The following GSK3B variants were observed in gnomAD, a reference collection of about 807,000 sequenced individuals.
GSK3B encodes the protein glycogen synthase kinase 3 beta, also known as glycogen synthase kinase-3 beta.
Under a neutral mutation model 56.4 loss-of-function variants are expected in GSK3B, and 15 were observed. The observed-to-expected ratio is 0.27, with a 90% CI of 0.18 to 0.41. The LOEUF (loss-of-function observed/expected upper bound fraction) is 0.41. Among genes scored for constraint, GSK3B ranks in the 10% least tolerant of loss-of-function variants. GSK3B has a pLI of 1.00. For missense variants in GSK3B, 300 were observed against 513.4 expected, an observed-to-expected ratio of 0.58 and a Z score of 4.02; for synonymous variants, 181 against 188.9, an observed-to-expected ratio of 0.96 and a Z score of 0.34.
chr3:119,924,538 G>A (rs541796270), intron 3 of GSK3B, among the ~76,000 whole-genome samples: 4 of 148,954 alleles, frequency 2.7e-5, no homozygotes, highest in Non-Finnish European at 5.9e-5. Flanking sequence ...AGCATTTCAC[G>A]CAGAGAGAGA....
intron 7 of GSK3B, among the ~76,000 whole-genome samples, chr3:119,879,927 C>T (rs2056361207): frequency 6.6e-6 from 1 of 152,164 alleles, no homozygotes; most frequent in African/African-American, 2.4e-5. Context: ...CTGCAATAAA[C>T]ATAGGAGTGC....
chr3:120,064,680 G>T (rs1307304675), intron 1 of GSK3B, among the ~76,000 whole-genome samples: 3 of 152,122 alleles, frequency 2.0e-5, no homozygotes, highest in Non-Finnish European at 4.4e-5. Context: ...ATATGAAATT[G>T]TAAGGGACCC....
At position 119,978,926 on chromosome 3, in the gene GSK3B, C is replaced by T. The variant is rs968893181; in HGVS notation, c.282+23120G>A. Among the ~76,000 whole-genome samples the T allele has an allele frequency of 7.9e-5, 12 of 152,190 alleles. No homozygotes were observed. In the East Asian group the frequency reaches 1.5e-3, roughly 20 times the overall value. ...TTGATGACTGTCCTCTTCAGAAAGA[C>T]GATTCCGGACTTCTGTCTTTTGTCT... is the stretch of plus-strand genomic sequence containing the variant. On this transcript the variant is annotated intron_variant, in intron 2 of 10. Transcript: ENST00000264235.
intron 9 of GSK3B, among the ~76,000 whole-genome samples, chr3:119,856,007 A>G (rs767853945): frequency 2.6e-5 from 4 of 152,144 alleles, no homozygotes; most frequent in Non-Finnish European, 5.9e-5. Flanking sequence ...TTCTGGGAGA[A>G]CCAGTCTACA....
chr3:119,864,756 T>G (rs1251799636), intron 8 of GSK3B, among the ~76,000 whole-genome samples: 1 of 152,238 alleles, frequency 6.6e-6, no homozygotes, highest in East Asian at 1.9e-4. Flanking sequence ...ACTACAGAGC[T>G]CATTAGACTT....
At chr3:120,047,963 AC>A (rs760076292) in intron 1 of GSK3B, among the ~76,000 whole-genome samples, 4 of 152,208 alleles carry the variant, frequency 2.6e-5, no homozygotes, top group African/African-American at 4.8e-5. Context: ...TAAAAGCAAC[AC>A]CTAGAATATC....
At chr3:119,918,806 A>T (rs1201545056) in intron 4 of GSK3B, among the ~76,000 whole-genome samples, 1 of 152,228 alleles carries the variant, frequency 6.6e-6, no homozygotes, top group Non-Finnish European at 1.5e-5. Flanking sequence ...CTTCAGTTAC[A>T]GGACAAAATA....
intron 3 of GSK3B, among the ~76,000 whole-genome samples, chr3:119,938,403 T>C (rs992606781): frequency 1.3e-5 from 2 of 152,026 alleles, no homozygotes; most frequent in Admixed American, 6.6e-5. Flanking sequence ...TGAAATCTAA[T>C]AGCATATTAA....
At chr3:119,962,900 A>G (rs2057285830) in intron 2 of GSK3B, among the ~76,000 whole-genome samples, 1 of 152,128 alleles carries the variant, frequency 6.6e-6, no homozygotes. Context: ...TTCCTATGGG[A>G]ATCTAATGCT....
At chr3:119,988,907 G>A (rs899399302) in intron 2 of GSK3B, among the ~76,000 whole-genome samples, 2 of 152,096 alleles carry the variant, frequency 1.3e-5, no homozygotes, top group African/African-American at 2.4e-5. Flanking sequence ...TAATAAAAAT[G>A]GGAAACTGGA....
intron 1 of GSK3B, among the ~76,000 whole-genome samples, chr3:120,085,559 C>T (rs1016716276): frequency 2.0e-5 from 3 of 152,172 alleles, no homozygotes; most frequent in South Asian, 2.1e-4. Flanking sequence ...CTGTACTTTG[C>T]GAGGCTGAGG....
At chr3:119,853,717 CTGTT>C (rs1212024115) in intron 9 of GSK3B, among the ~76,000 whole-genome samples, 11 of 152,254 alleles carry the variant, frequency 7.2e-5, no homozygotes, top group Admixed American at 3.3e-4. Context: ...ATTTGGCTCT[CTGTT>C]TGTCTGTTAT....
At position 120,093,815 on chromosome 3, in the gene GSK3B, G is replaced by C. The variant is rs1282170618; in HGVS notation, c.-381C>G. 1.3e-5 allele frequency: 3 copies of C among 230,438 alleles called. No homozygotes were observed. The highest frequency in any genetic ancestry group is 6.7e-5 in the African/African-American group (3 of 44,916). 14.3% of individuals were successfully genotyped at this position (230,438 alleles called of 1,614,324 possible). Reference sequence around the variant, plus strand: ...TACTTCGAATATTATATTTTCCTCGGGGATTTTTTTTCCGAGTCAATGAAG... The same window carrying C: ...TACTTCGAATATTATATTTTCCTCGCGGATTTTTTTTCCGAGTCAATGAAG... On this transcript the variant is annotated 5_prime_UTR_variant, in exon 1 of 11. Coordinates refer to ENST00000264235, the MANE Select transcript of GSK3B (RefSeq NM_001146156.2).
intron 9 of GSK3B, among the ~76,000 whole-genome samples, chr3:119,858,362 G>T (rs1317787280): frequency 6.6e-6 from 1 of 152,188 alleles, no homozygotes; most frequent in African/African-American, 2.4e-5. Flanking sequence ...TTAGCTAGAG[G>T]TCTTCTGGAT....
rs1332356970 is a variant in GSK3B at position 119,951,975 on chromosome 3, C to G, written c.283-4624G>C. Reference sequence around the variant, plus strand: ...GCATTAAAAAAAAAAACCCAGTGAACTTGAAGAAATAGAGATTGTCCAAAA... The same window carrying G: ...GCATTAAAAAAAAAAACCCAGTGAAGTTGAAGAAATAGAGATTGTCCAAAA... On this transcript the variant is annotated intron_variant, in intron 2 of 10. Coordinates refer to ENST00000264235, the MANE Select transcript of GSK3B (RefSeq NM_001146156.2). Among the ~76,000 whole-genome samples the G allele has an allele frequency of 2.0e-5, 3 of 148,988 alleles. No homozygotes were observed. In the East Asian group the frequency reaches 5.9e-4, roughly 29 times the overall value.
At chr3:119,831,573 C>T (rs1019794175) in intron 10 of GSK3B, among the ~76,000 whole-genome samples, 4 of 150,870 alleles carry the variant, frequency 2.7e-5, no homozygotes, top group African/African-American at 7.3e-5. Context: ...AGGAGAATGG[C>T]GTGAACCTGG....
chr3:119,946,870 C>T (rs997248420), intron 3 of GSK3B, among the ~76,000 whole-genome samples: 11 of 152,032 alleles, frequency 7.2e-5, no homozygotes, highest in African/African-American at 2.7e-4. Flanking sequence ...CCTATCAGTC[C>T]TCTTGCTACC....
At chr3:119,870,697 G>C (rs779177313) in intron 8 of GSK3B, among the ~76,000 whole-genome samples, 37 of 152,316 alleles carry the variant, frequency 2.4e-4, no homozygotes, top group Non-Finnish European at 4.1e-4. Flanking sequence ...CAATAATAAG[G>C]ATGTGGGTAG....
At chr3:119,941,586 T>A (rs1227152269) in intron 3 of GSK3B, among the ~76,000 whole-genome samples, 1 of 152,234 alleles carries the variant, frequency 6.6e-6, no homozygotes, top group Non-Finnish European at 1.5e-5. Context: ...AATTGGTTGC[T>A]ATGAGGTTTA....
Sources: allele counts gnomAD v4.1 joint callset (sites outside exome capture counted in the v4.1 genomes callset), GRCh38; gene constraint gnomAD v4.1.1; transcripts MANE v1.5; gene names NCBI Gene and HGNC (gene_info 2026-07-23, HGNC 2026-07-21).